SPATA16: variants seen among roughly 807,000 people sequenced by gnomAD.
SPATA16 encodes spermatogenesis associated 16, also known as spermatogenesis-associated protein 16.
Under a neutral mutation model 63.3 loss-of-function variants are expected in SPATA16, and 36 were observed. The observed-to-expected ratio is 0.57, with a 90% CI of 0.44 to 0.75. The LOEUF (loss-of-function observed/expected upper bound fraction) is 0.75. Among genes scored for constraint, SPATA16 ranks in the 30% least tolerant of loss-of-function variants. The probability of loss-of-function intolerance (pLI) is 0.00; values close to 1 mark genes in which losing one functional copy is unlikely to be tolerated. For missense variants in SPATA16, 646 were observed against 679.3 expected (o/e 0.95, Z 0.54); for synonymous variants, 203 against 216.7 (o/e 0.94, Z 0.56).
At chr3:172,928,717 A>G (rs1732796332) in intron 6 of SPATA16, among the ~76,000 whole-genome samples, 1 of 152,222 alleles carries the variant, frequency 6.6e-6, no homozygotes, top group African/African-American at 2.4e-5. Flanking sequence ...GCAAAAATGT[A>G]AATATTCTCT....
chr3:173,126,134 T>A (rs1738221864), intron 1 of SPATA16, among the ~76,000 whole-genome samples: 1 of 152,164 alleles, frequency 6.6e-6, no homozygotes, highest in Non-Finnish European at 1.5e-5. Flanking sequence ...TAGTCTTTGT[T>A]AGGGAGTAAA....
intron 4 of SPATA16, among the ~76,000 whole-genome samples, chr3:173,001,683 G>A (rs560743330): frequency 5.2e-4 from 79 of 152,100 alleles, no homozygotes; most frequent in Non-Finnish European, 1.0e-3. Context: ...TCCACTCAGG[G>A]TTTCTCCTTC....
At chr3:173,028,009 CCCTCCCTT>C (rs1326014517) in intron 3 of SPATA16, among the ~76,000 whole-genome samples, 1 of 43,304 alleles carries the variant, frequency 2.3e-5, no homozygotes, top group Non-Finnish European at 3.7e-5. Flanking sequence ...CTCCCTCCCT[CCCTCCCTT>C]CCTTCTTTCC....
chr3:173,039,337 T>C (rs974986243), intron 3 of SPATA16, among the ~76,000 whole-genome samples: 3 of 152,144 alleles, frequency 2.0e-5, no homozygotes, highest in Non-Finnish European at 4.4e-5. Flanking sequence ...AAGGAGTACC[T>C]GTGCAGCCTT....
At chr3:172,955,993 A>G (rs1396003180) in intron 6 of SPATA16, among the ~76,000 whole-genome samples, 4 of 152,190 alleles carry the variant, frequency 2.6e-5, no homozygotes, top group Non-Finnish European at 5.9e-5. Flanking sequence ...AGGATGTGAT[A>G]TCAGGTGTAT....
intron 4 of SPATA16, among the ~76,000 whole-genome samples, chr3:173,001,582 T>G (rs1388526163): frequency 6.6e-6 from 1 of 152,190 alleles, no homozygotes; most frequent in Non-Finnish European, 1.5e-5. Flanking sequence ...CTCCAGAAAT[T>G]TTTAACTCTC....
At chr3:172,900,163 T>A (rs1320109033) in intron 10 of SPATA16, among the ~76,000 whole-genome samples, 1 of 152,188 alleles carries the variant, frequency 6.6e-6, no homozygotes, top group Non-Finnish European at 1.5e-5. Context: ...GAGAATGTCT[T>A]AATTTCTTCT....
chr3:173,047,652 A>G (rs1735988122), intron 3 of SPATA16, among the ~76,000 whole-genome samples: 1 of 152,096 alleles, frequency 6.6e-6, no homozygotes, highest in African/African-American at 2.4e-5. Context: ...AAAAGTTGCA[A>G]TATTTTGACA....
chr3:173,042,941 A>G (rs1415069442), intron 3 of SPATA16, among the ~76,000 whole-genome samples: 3 of 152,176 alleles, frequency 2.0e-5, no homozygotes. Flanking sequence ...CATCTCTAGT[A>G]GTACACCTTC....
At chr3:172,996,554 C>T (rs1041985987) in intron 4 of SPATA16, among the ~76,000 whole-genome samples, 3 of 152,078 alleles carry the variant, frequency 2.0e-5, no homozygotes, top group Non-Finnish European at 4.4e-5. Flanking sequence ...TTCCCACATA[C>T]TCCCTGATCT....
chr3:172,899,809 CAT>C (rs959382723), intron 10 of SPATA16, among the ~76,000 whole-genome samples: 56 of 152,054 alleles, frequency 3.7e-4, no homozygotes, highest in African/African-American at 1.1e-3. Context: ...CTAGATATTA[CAT>C]GTGTGTGTAC....
chr3:172,949,594 G>T (rs1459610407), intron 6 of SPATA16, among the ~76,000 whole-genome samples: 1 of 152,098 alleles, frequency 6.6e-6, no homozygotes, highest in Admixed American at 6.6e-5. Context: ...TGACAGAGAG[G>T]CTACATTATA....
chr3:172,938,202 A>G (rs1029834304), intron 6 of SPATA16, among the ~76,000 whole-genome samples: 2 of 152,200 alleles, frequency 1.3e-5, no homozygotes, highest in Non-Finnish European at 2.9e-5. Flanking sequence ...CATGGGTCTT[A>G]CAGATGCTAT....
chr3:173,125,318 C>T (rs1025603242), intron 1 of SPATA16, among the ~76,000 whole-genome samples: 3 of 152,182 alleles, frequency 2.0e-5, no homozygotes, highest in African/African-American at 4.8e-5. Flanking sequence ...CCCATGATCT[C>T]CTCTCTAGAT....
chr3:173,001,891 A>G (rs764180322), intron 4 of SPATA16, among the ~76,000 whole-genome samples: 8 of 152,146 alleles, frequency 5.3e-5, no homozygotes, highest in Non-Finnish European at 1.2e-4. Context: ...TGGACTGGAA[A>G]CCAGAAGACC....
intron 7 of SPATA16, 27 bp from the exon 8 acceptor site, chr3:172,924,344 T>C: frequency 2.6e-6 from 4 of 1,544,654 alleles, no homozygotes; most frequent in Non-Finnish European, 3.6e-6. Context: ...TAAACTTTTA[T>C]ACTATTTTCT....
Position 173,117,553 on chromosome 3 carries a change from A to G in SPATA16, c.179T>C (p.Leu60Pro), listed in dbSNP as rs767952503. 1.2e-6 allele frequency: 2 copies of G among 1,613,846 alleles called. No homozygotes were observed. Among genetic ancestry groups the G allele is most frequent in the Admixed American group, 3.3e-5 (2 of 59,970 alleles). Residue 60 changes from leucine (L) to proline (P), a missense_variant, in exon 2 of 11, where the codon CTT (leucine) becomes CCT (proline). Physicochemically the swap from Leu to Pro is moderately conservative, Grantham distance 98. Transcript: ENST00000351008. ...GCCCTTTGTCATTTTTGTTCTTTCA[A>G]GTGTGATTTCTACCTGTTTACCTCC... ...NCGGKQVEITLERTKMTKGIK... is the reference protein window; with the variant it reads ...NCGGKQVEITPERTKMTKGIK...
intron 4 of SPATA16, among the ~76,000 whole-genome samples, chr3:172,998,812 C>T (rs1488107897): frequency 2.0e-5 from 3 of 152,088 alleles, no homozygotes; most frequent in Non-Finnish European, 4.4e-5. Flanking sequence ...TTATGCGATT[C>T]TTCTTCTTTA....
intron 6 of SPATA16, among the ~76,000 whole-genome samples, chr3:172,953,764 C>T (rs1338415647): frequency 1.3e-5 from 2 of 152,146 alleles, no homozygotes; most frequent in African/African-American, 4.8e-5. Flanking sequence ...TATGCTTGAG[C>T]TCTATGAAAG....
Sources: allele counts gnomAD v4.1 joint callset (sites outside exome capture counted in the v4.1 genomes callset), GRCh38; gene constraint gnomAD v4.1.1; transcripts MANE v1.5; gene names NCBI Gene and HGNC (gene_info 2026-07-23, HGNC 2026-07-21).